SAXO1: variants seen among roughly 807,000 people sequenced by gnomAD.
The protein encoded by SAXO1 is stabilizer of axonemal microtubules 1, also known as 4930500O09Rik.
In SAXO1, 21 loss-of-function variants were observed where a neutral mutation model predicts 17.5. The ratio of observed to expected loss-of-function variants is 1.20; its 90% CI spans 0.85 to 1.72. The LOEUF (loss-of-function observed/expected upper bound fraction) is 1.72. SAXO1 is among the 40% of genes most tolerant of loss of function. The probability of loss-of-function intolerance (pLI) is 0.00; values close to 1 mark genes in which losing one functional copy is unlikely to be tolerated. For missense variants in SAXO1, 843 were observed against 596.0 expected, an observed-to-expected ratio of 1.41 and a Z score of -4.32; for synonymous variants, 274 against 216.5, an observed-to-expected ratio of 1.27 and a Z score of -2.33.
upstream of SAXO1, among the ~76,000 whole-genome samples, chr9:19,034,178 T>C (rs114620546): frequency 5.1e-3 from 775 of 152,368 alleles, 7 homozygotes; most frequent in African/African-American, 0.018. Context: ...TTCTTTCCTA[T>C]GCTTCCTAAC....
Position 18,928,591 on chromosome 9 carries a change from G to T in SAXO1, c.886C>A (p.Pro296Thr), listed in dbSNP as rs1434320956. The change falls in exon 4 of 4, where the codon CCT (proline) becomes ACT (threonine). Residue 296 changes from proline to threonine, a missense_variant. Coordinates refer to ENST00000380534, the MANE Select transcript of SAXO1 (RefSeq NM_153707.4). ...MFSKAPITYV[P>T]PEDRMDLLTT... ...AGAAGATCCATCCTGTCTTCGGGAG[G>T]GACGTAGGTGATGGGAGCTTTGGAG... 4 of 1,614,058 alleles carry T rather than the reference G, an allele frequency of 2.5e-6. No individual in the cohort carries two copies. The highest frequency in any genetic ancestry group is 3.4e-6 in the Non-Finnish European group (4 of 1,180,042).
intron 1 of SAXO1, among the ~76,000 whole-genome samples, chr9:19,020,408 A>G (rs988739747): frequency 6.7e-6 from 1 of 149,688 alleles, no homozygotes; most frequent in African/African-American, 2.5e-5. Context: ...CAGTGGTGCG[A>G]TCTCAGCTCA....
chr9:19,024,606 T>A (rs1481320457), intron 1 of SAXO1, among the ~76,000 whole-genome samples: 2 of 151,688 alleles, frequency 1.3e-5, no homozygotes, highest in Admixed American at 6.6e-5. Context: ...TAATAAAATT[T>A]AAAAAAAAGT....
At chr9:18,932,460 G>C (rs1283120523) in intron 3 of SAXO1, among the ~76,000 whole-genome samples, 1 of 152,216 alleles carries the variant, frequency 6.6e-6, no homozygotes, top group African/African-American at 2.4e-5. Context: ...ATCAGGAAGT[G>C]TAAGTTTTAC....
At chr9:19,036,381 T>C (rs558852349), upstream of SAXO1, among the ~76,000 whole-genome samples, 6 of 151,790 alleles carry the variant, frequency 4.0e-5, no homozygotes, top group South Asian at 1.2e-3. Context: ...CCCAAGACAA[T>C]GGGGAAAATG....
At chr9:18,958,021 A>G (rs1334238260) in intron 1 of SAXO1, among the ~76,000 whole-genome samples, 1 of 152,182 alleles carries the variant, frequency 6.6e-6, no homozygotes, top group Non-Finnish European at 1.5e-5. Context: ...CATACTCCCT[A>G]CCTACACCTC....
chr9:18,971,339 C>T (rs572203485), intron 1 of SAXO1, among the ~76,000 whole-genome samples: 1 of 152,224 alleles, frequency 6.6e-6, no homozygotes, highest in African/African-American at 2.4e-5. Context: ...CAACAGATAA[C>T]CAAAATCTCA....
At chr9:18,938,259 G>A (rs969720283) in intron 3 of SAXO1, among the ~76,000 whole-genome samples, 4 of 152,192 alleles carry the variant, frequency 2.6e-5, no homozygotes, top group African/African-American at 9.7e-5. Flanking sequence ...GTCAGTTCTT[G>A]CACTGCTATA....
At chr9:19,000,823 G>C (rs1165974214) in intron 1 of SAXO1, among the ~76,000 whole-genome samples, 2 of 152,122 alleles carry the variant, frequency 1.3e-5, no homozygotes, top group Non-Finnish European at 2.9e-5. Context: ...AACCAACAAA[G>C]ATCAAAAGAG....
chr9:18,996,280 C>A (rs1014053953), intron 1 of SAXO1, among the ~76,000 whole-genome samples: 1 of 152,166 alleles, frequency 6.6e-6, no homozygotes, highest in Non-Finnish European at 1.5e-5. Flanking sequence ...TTATATACAG[C>A]CATCCACCAC....
chr9:18,956,884 CAAATAGG>C (rs1242480883), intron 1 of SAXO1, among the ~76,000 whole-genome samples: 1 of 152,330 alleles, frequency 6.6e-6, no homozygotes, highest in African/African-American at 2.4e-5. Flanking sequence ...CACCATTTTA[CAAATAGG>C]AAAACCAGTG....
At chr9:18,979,930 G>C (rs1833303257) in intron 1 of SAXO1, among the ~76,000 whole-genome samples, 1 of 152,178 alleles carries the variant, frequency 6.6e-6, no homozygotes, top group Admixed American at 6.5e-5. Flanking sequence ...GTGTGAAAAA[G>C]AGAAAATAAA....
In SAXO1 at chr9:19,049,247, A is replaced by T; in HGVS notation, c.-196T>A. 1 of 166,814 alleles carries T rather than the reference A, an allele frequency of 6.0e-6. No individual in the cohort carries two copies. Among genetic ancestry groups the T allele is most frequent in the African/African-American group, 2.4e-5 (1 of 41,730 alleles). 10.3% of individuals were successfully genotyped at this position (166,814 alleles called of 1,614,324 possible). On this transcript the variant is annotated 5_prime_UTR_variant, in exon 1 of 4. Transcript: ENST00000542071. The surrounding 1 kb of genome is among the most constrained non-coding windows in gnomAD (Gnocchi z 5.4). ...AAACCCAGCTGCAACAGAACAAAAG[A>T]CCGAAGTCCTCGAGCTTCCCTTCCA... is the stretch of plus-strand genomic sequence containing the variant.
chr9:19,016,247 C>T (rs913779466), intron 1 of SAXO1, among the ~76,000 whole-genome samples: 2 of 152,068 alleles, frequency 1.3e-5, no homozygotes, highest in African/African-American at 4.8e-5. Flanking sequence ...ACCGGCCTGA[C>T]GAACATGGTG....
intron 1 of SAXO1, among the ~76,000 whole-genome samples, chr9:19,029,900 T>G (rs1288991934): frequency 6.6e-6 from 1 of 152,212 alleles, no homozygotes; most frequent in Non-Finnish European, 1.5e-5. Context: ...AAAAACGCCA[T>G]CCATTCATTC....
intron 1 of SAXO1, among the ~76,000 whole-genome samples, chr9:19,031,752 C>A (rs1252089021): frequency 6.6e-6 from 1 of 152,126 alleles, no homozygotes; most frequent in African/African-American, 2.4e-5. Flanking sequence ...ACAGGGCCCA[C>A]TCTGAGAGTA....
intron 1 of SAXO1, among the ~76,000 whole-genome samples, chr9:18,999,323 G>C (rs1834146638): frequency 6.6e-6 from 1 of 152,120 alleles, no homozygotes; most frequent in African/African-American, 2.4e-5. Flanking sequence ...GAGTGCCTCT[G>C]CCTGGCCACT....
At position 18,929,021 on chromosome 9, in the gene SAXO1, C is replaced by A. The variant is rs754908911; in HGVS notation, c.456G>T (p.Glu152Asp). The change falls in exon 4 of 4, where the codon GAG becomes GAT. Residue 152 changes from glutamate to aspartate, a missense_variant. Coordinates refer to ENST00000380534, the MANE Select transcript of SAXO1 (RefSeq NM_153707.4). ...DYLPWNQPRR[E>D]PLRLEHKYQP... ...GGTATTTGTGTTCCAGACGAAGTGG[C>A]TCTCGCCTTGGTTGGTTCCAAGGCA... The A allele has an allele frequency of 3.2e-5, 51 of 1,614,012 alleles. No individual in the cohort carries two copies. The highest frequency in any genetic ancestry group is 4.2e-5 in the Non-Finnish European group (50 of 1,180,024).
At chr9:18,976,700 G>A (rs1331077477) in intron 1 of SAXO1, among the ~76,000 whole-genome samples, 2 of 152,216 alleles carry the variant, frequency 1.3e-5, no homozygotes, top group Non-Finnish European at 2.9e-5. Context: ...CCTGAGTCTT[G>A]TGGTTGTAAT....
Sources: gnomAD v4.1 joint callset for allele counts (sites outside exome capture counted in the v4.1 genomes callset) on GRCh38, gnomAD v4.1.1 for gene constraint, Gnocchi (gnomAD v3.1) non-coding constraint, MANE v1.5 for transcripts, NCBI Gene and HGNC (gene_info 2026-07-23, HGNC 2026-07-21) for gene names.